The following STARD13 variants were observed in gnomAD, a reference collection of about 807,000 sequenced individuals.
STARD13 encodes the protein StAR related lipid transfer domain containing 13.
STARD13 carries 62 observed loss-of-function variants against 106.4 expected under a neutral mutation model. The ratio of observed to expected loss-of-function variants is 0.58; its 90% CI spans 0.48 to 0.72. The LOEUF (loss-of-function observed/expected upper bound fraction) is 0.72. Ranked by LOEUF, STARD13 falls within the 30% of genes least tolerant of loss-of-function variation. The pLI is 0.00. For missense variants in STARD13, 1,387 were observed against 1,424.0 expected (o/e 0.97, Z 0.42); for synonymous variants, 565 against 553.0 (o/e 1.02, Z -0.31).
At chr13:33,233,984 G>T (rs1889060370) in intron 1 of STARD13, among the ~76,000 whole-genome samples, 1 of 152,152 alleles carries the variant, frequency 6.6e-6, no homozygotes, top group Non-Finnish European at 1.5e-5. Flanking sequence ...CTGTTGAAGG[G>T]GCCAAGAAAA....
chr13:33,110,931 G>T, intron 10 of STARD13, 24 bp from the exon 11 acceptor site: 1 of 1,593,066 alleles, frequency 6.3e-7, no homozygotes, highest in South Asian at 1.1e-5. Context: ...TGCATGAAAG[G>T]GCAACACACT....
At chr13:33,211,303 T>A (rs1028126229) in intron 1 of STARD13, among the ~76,000 whole-genome samples, 1 of 152,020 alleles carries the variant, frequency 6.6e-6, no homozygotes, top group African/African-American at 2.4e-5. Flanking sequence ...ATTGAAAATA[T>A]TTAAATAATG....
At chr13:33,368,317 A>G in the STARD13 span, among the ~76,000 whole-genome samples, 1 of 152,100 alleles carries the variant, frequency 6.6e-6, no homozygotes, top group Non-Finnish European at 1.5e-5. Context: ...CTCTCTTTAT[A>G]CTCAAATGTC....
the STARD13 span, among the ~76,000 whole-genome samples, chr13:33,419,618 T>G: frequency 3.4e-3 from 523 of 152,276 alleles, 7 homozygotes; most frequent in African/African-American, 0.012. Flanking sequence ...ACCAGAAAGA[T>G]ACTCTTCAAG....
chr13:33,153,523 G>C (rs1374113038), intron 3 of STARD13, among the ~76,000 whole-genome samples: 1 of 152,164 alleles, frequency 6.6e-6, no homozygotes, highest in African/African-American at 2.4e-5. Context: ...ATTGCAGGGT[G>C]GCTGGGAGGT....
chr13:33,325,638 C>T (rs1044677958), intron 1 of STARD13, among the ~76,000 whole-genome samples: 2 of 152,024 alleles, frequency 1.3e-5, no homozygotes, highest in African/African-American at 4.8e-5. Flanking sequence ...ACACTGCATC[C>T]CCAAATCACC....
At chr13:33,604,510 A>T in the STARD13 span, among the ~76,000 whole-genome samples, 5 of 152,198 alleles carry the variant, frequency 3.3e-5, no homozygotes, top group African/African-American at 1.2e-4. Context: ...AAGAATGCTA[A>T]AAGAGGCCAG....
chr13:33,461,290 A>G, the STARD13 span, among the ~76,000 whole-genome samples: 1 of 152,230 alleles, frequency 6.6e-6, no homozygotes, highest in Non-Finnish European at 1.5e-5. Context: ...CGTTAAACAC[A>G]ACAAAGCCTG....
chr13:33,311,985 A>G (rs1893152679), intron 1 of STARD13, among the ~76,000 whole-genome samples: 1 of 152,232 alleles, frequency 6.6e-6, no homozygotes, highest in African/African-American at 2.4e-5. Flanking sequence ...TTTCTATAAG[A>G]AAAAAAGTTA....
At chr13:33,444,798 A>T in the STARD13 span, among the ~76,000 whole-genome samples, 1 of 152,166 alleles carries the variant, frequency 6.6e-6, no homozygotes. Flanking sequence ...ACAGTAAAAA[A>T]TTTCAAAAAG....
At chr13:33,331,802 T>G (rs1310882029) in intron 1 of STARD13, among the ~76,000 whole-genome samples, 1 of 152,178 alleles carries the variant, frequency 6.6e-6, no homozygotes, top group Admixed American at 6.5e-5. Context: ...ATAAATGTTT[T>G]TCATGGATGA....
the STARD13 span, chr13:33,661,444 T>G: frequency 6.6e-6 from 1 of 152,246 alleles, no homozygotes; most frequent in Non-Finnish European, 1.5e-5. Flanking sequence ...AAAACTGTAG[T>G]GTGTGTAGGT....
At chr13:33,622,678 T>C in the STARD13 span, among the ~76,000 whole-genome samples, 1 of 144,534 alleles carries the variant, frequency 6.9e-6, no homozygotes, top group Non-Finnish European at 1.5e-5. Flanking sequence ...TCCCAGCACT[T>C]TGGGAGGCTG....
intron 1 of STARD13, among the ~76,000 whole-genome samples, chr13:33,209,483 C>T (rs537718450): frequency 6.6e-6 from 1 of 150,964 alleles, no homozygotes; most frequent in South Asian, 2.1e-4. Context: ...AATTCCAGGG[C>T]CTAAGAAGCC....
At chr13:33,645,762 CT>C in the STARD13 span, among the ~76,000 whole-genome samples, 1 of 152,090 alleles carries the variant, frequency 6.6e-6, no homozygotes, top group African/African-American at 2.4e-5. Flanking sequence ...GCAGAGCTTG[CT>C]CTTGGGGCTG....
At chr13:33,165,314 C>T in intron 3 of STARD13, 23 bp downstream of exon 3, 2 of 1,587,618 alleles carry the variant, frequency 1.3e-6, no homozygotes, top group Non-Finnish European at 1.7e-6. Flanking sequence ...TGGAAAGAAA[C>T]AAAAATACTT....
At chr13:33,310,541 A>T (rs1261378726) in intron 1 of STARD13, among the ~76,000 whole-genome samples, 1 of 152,214 alleles carries the variant, frequency 6.6e-6, no homozygotes, top group Non-Finnish European at 1.5e-5. Context: ...CTCCTTTATT[A>T]TAAAAAAATA....
the STARD13 span, among the ~76,000 whole-genome samples, chr13:33,545,180 G>A: frequency 2.6e-5 from 4 of 152,054 alleles, no homozygotes; most frequent in Non-Finnish European, 5.9e-5. Context: ...GGCTGGTCTC[G>A]AATTCCTGAC....
chr13:33,360,986 T>A, the STARD13 span, among the ~76,000 whole-genome samples: 77 of 149,376 alleles, frequency 5.2e-4, no homozygotes, highest in African/African-American at 1.8e-3. Context: ...TTTTGTATTT[T>A]TAGTAGAGAC....
Sources: gnomAD v4.1 joint callset for allele counts (sites outside exome capture counted in the v4.1 genomes callset) on GRCh38, gnomAD v4.1.1 for gene constraint, MANE v1.5 for transcripts, NCBI Gene and HGNC (gene_info 2026-07-23, HGNC 2026-07-21) for gene names.